Variants in TSPAN9 observed in about 807,000 individuals in gnomAD.
TSPAN9 encodes the protein tetraspanin-9.
A neutral mutation model predicts 31.0 loss-of-function variants in TSPAN9; 16 were observed. The observed-to-expected ratio is 0.52, with a 90% CI of 0.35 to 0.78. The LOEUF (loss-of-function observed/expected upper bound fraction) is 0.78. Ranked by LOEUF, TSPAN9 falls within the 30% of genes least tolerant of loss-of-function variation. The pLI is 0.01. For synonymous variants in TSPAN9, 145 were observed against 121.6 expected, an observed-to-expected ratio of 1.19 and a Z score of -1.27; for missense variants, 272 against 312.5, an observed-to-expected ratio of 0.87 and a Z score of 0.98.
At chr12:3,092,089 C>G (rs1217706984) in intron 2 of TSPAN9, among the ~76,000 whole-genome samples, 1 of 152,242 alleles carries the variant, frequency 6.6e-6, no homozygotes, top group Non-Finnish European at 1.5e-5. Flanking sequence ...ACCTCAGCAA[C>G]TGCTTTTGGC....
chr12:3,109,147 A>G (rs929923575), intron 2 of TSPAN9, among the ~76,000 whole-genome samples: 6 of 151,878 alleles, frequency 4.0e-5, no homozygotes, highest in African/African-American at 4.8e-5. Flanking sequence ...CGTGTTAGCC[A>G]GGATGGTCTC....
intron 3 of TSPAN9, among the ~76,000 whole-genome samples, chr12:3,251,257 C>G (rs1328459350): frequency 5.3e-5 from 8 of 152,182 alleles, no homozygotes; most frequent in Admixed American, 5.2e-4. Context: ...AGCTTGCACC[C>G]GCTGTGTGCC....
intron 3 of TSPAN9, among the ~76,000 whole-genome samples, chr12:3,247,211 G>A (rs757915505): frequency 6.4e-4 from 97 of 151,470 alleles, no homozygotes; most frequent in South Asian, 1.7e-3. Context: ...GAAAGGACTT[G>A]ACAAAGGCCC....
rs1263699005 is a variant in TSPAN9 at position 3,284,862 on chromosome 12, C to G, written c.*1746C>G. ...TCTTCTCCAGCCTCCACCTGCCTGTCTGATCCAAGAGCTGAGACACGGCCA... is the reference window on the plus strand; with the variant it reads ...TCTTCTCCAGCCTCCACCTGCCTGTGTGATCCAAGAGCTGAGACACGGCCA... On this transcript the variant is annotated 3_prime_UTR_variant, in exon 9 of 9. Coordinates refer to ENST00000011898, the MANE Select transcript of TSPAN9 (RefSeq NM_006675.5). 1 of 152,362 alleles carries G rather than the reference C, an allele frequency of 6.6e-6. No individual in the cohort carries two copies. The highest frequency in any genetic ancestry group is 1.5e-5 in the Non-Finnish European group (1 of 68,158). The allele number at this position is 152,362 out of a possible 1,614,324, so 9.4% of individuals were successfully genotyped here. A position where few individuals can be genotyped will look rare whatever the true frequency, so the allele number is the denominator to read the frequency against.
At chr12:3,278,738 T>C in intron 4 of TSPAN9, 126 bp downstream of exon 4, 1 of 1,309,398 alleles carries the variant, frequency 7.6e-7, no homozygotes, top group Non-Finnish European at 1.0e-6. Flanking sequence ...AAACTGCTTC[T>C]AGAACGTTCT....
intron 2 of TSPAN9, among the ~76,000 whole-genome samples, chr12:3,095,895 G>T (rs1468131356): frequency 6.7e-6 from 1 of 149,282 alleles, no homozygotes; most frequent in Non-Finnish European, 1.5e-5. Context: ...CAGACGATGG[G>T]CGGCCAGGCA....
chr12:3,089,274 T>C (rs866119262), intron 2 of TSPAN9, among the ~76,000 whole-genome samples: 1 of 145,018 alleles, frequency 6.9e-6, no homozygotes, highest in East Asian at 2.1e-4. Context: ...TAGGAAAAAT[T>C]AGATTGTAGC....
chr12:3,211,789 G>A, intron 3 of TSPAN9: 1 of 1,597,094 alleles, frequency 6.3e-7, no homozygotes, highest in Non-Finnish European at 8.5e-7. Context: ...AGACCGTGGT[G>A]ATTTTATAGC....
chr12:3,250,957 C>G (rs886704268), intron 3 of TSPAN9, among the ~76,000 whole-genome samples: 6 of 152,188 alleles, frequency 3.9e-5, no homozygotes, highest in Non-Finnish European at 7.4e-5. Flanking sequence ...TCCATGCACT[C>G]TCTCTTCTCC....
intron 2 of TSPAN9, among the ~76,000 whole-genome samples, chr12:3,140,120 A>G (rs555487410): frequency 6.7e-6 from 1 of 149,606 alleles, no homozygotes; most frequent in East Asian, 2.0e-4. Context: ...AGTAATCATC[A>G]GATTACTACC....
At chr12:3,190,232 T>C (rs924832413) in intron 2 of TSPAN9, among the ~76,000 whole-genome samples, 2 of 152,146 alleles carry the variant, frequency 1.3e-5, no homozygotes, top group Non-Finnish European at 2.9e-5. Context: ...CAGAGCGCCG[T>C]CCCAGCTGGC....
At chr12:3,082,197 C>T (rs1280182078) in intron 1 of TSPAN9, among the ~76,000 whole-genome samples, 1 of 152,164 alleles carries the variant, frequency 6.6e-6, no homozygotes, top group Admixed American at 6.5e-5. Context: ...TTGAGGAGCA[C>T]CATTGCATGC....
At chr12:3,209,289 G>A (rs775736909) in intron 3 of TSPAN9, among the ~76,000 whole-genome samples, 2 of 151,886 alleles carry the variant, frequency 1.3e-5, no homozygotes, top group African/African-American at 2.4e-5. Context: ...CTGGATTCAC[G>A]CACGTTGATA....
chr12:3,237,742 C>G (rs557890743), intron 3 of TSPAN9, among the ~76,000 whole-genome samples: 1 of 152,228 alleles, frequency 6.6e-6, no homozygotes, highest in East Asian at 1.9e-4. Flanking sequence ...ACAGAGAGGG[C>G]AGGGTCAGCT....
chr12:3,134,915 A>G (rs1051923511), intron 2 of TSPAN9, among the ~76,000 whole-genome samples: 1 of 152,126 alleles, frequency 6.6e-6, no homozygotes, highest in Admixed American at 6.5e-5. Context: ...GAAGGGAGGA[A>G]GAAGAACAAT....
intron 2 of TSPAN9, among the ~76,000 whole-genome samples, chr12:3,117,738 A>G (rs2098323102): frequency 6.6e-6 from 1 of 152,196 alleles, no homozygotes; most frequent in Admixed American, 6.5e-5. Flanking sequence ...TCTCCTGTCC[A>G]TCTGTTCTTC....
intron 3 of TSPAN9, among the ~76,000 whole-genome samples, chr12:3,225,538 G>A (rs1213571609): frequency 6.6e-6 from 1 of 152,108 alleles, no homozygotes; most frequent in East Asian, 1.9e-4. Flanking sequence ...CAGTTTTCAG[G>A]CAGCTGCCAA....
intron 3 of TSPAN9, among the ~76,000 whole-genome samples, chr12:3,203,467 C>T (rs970640457): frequency 6.6e-6 from 1 of 152,188 alleles, no homozygotes; most frequent in Non-Finnish European, 1.5e-5. Flanking sequence ...TTCCCATCTT[C>T]CCTTAAAACC....
intron 2 of TSPAN9, among the ~76,000 whole-genome samples, chr12:3,138,123 G>T (rs11830855): frequency 5.9e-5 from 9 of 151,982 alleles, no homozygotes; most frequent in African/African-American, 2.2e-4. Flanking sequence ...AGTGCCCAGC[G>T]GTGCCCGTTC....
Sources: allele counts gnomAD v4.1 joint callset (sites outside exome capture counted in the v4.1 genomes callset), GRCh38; gene constraint gnomAD v4.1.1; transcripts MANE v1.5; gene names NCBI Gene and HGNC (gene_info 2026-07-23, HGNC 2026-07-21).